Variants in DNAH14 observed in about 807,000 individuals in gnomAD.
DNAH14 encodes the protein axonemal beta dynein heavy chain 14.
In DNAH14, 478 loss-of-function variants were observed where a neutral mutation model predicts 520.9. The ratio of observed to expected loss-of-function variants is 0.92; its 90% CI spans 0.85 to 0.99. The LOEUF (loss-of-function observed/expected upper bound fraction) is 0.99, where lower values mean the gene tolerates loss of function less well. Among genes scored for constraint, DNAH14 ranks in the 50% least tolerant of loss-of-function variants. DNAH14 has a pLI of 0.00. For missense variants in DNAH14, 4,831 were observed against 5,234.5 expected, an observed-to-expected ratio of 0.92 and a Z score of 2.38; for synonymous variants, 1,581 against 1,757.2, an observed-to-expected ratio of 0.90 and a Z score of 2.51.
intron 34 of DNAH14, 90 bp from the exon 35 acceptor site, chr1:225,159,224 A>G (rs1015614694): frequency 1.3e-5 from 14 of 1,054,918 alleles, no homozygotes; most frequent in Middle Eastern, 2.0e-4. Flanking sequence ...TGGGATAGCC[A>G]CCCCTAAAAC....
At chr1:225,008,158 A>G (rs866547881) in intron 10 of DNAH14, among the ~76,000 whole-genome samples, 6 of 151,750 alleles carry the variant, frequency 4.0e-5, no homozygotes, top group South Asian at 2.1e-4. Context: ...CCAACTTATG[A>G]GTGAGAACAT....
Position 224,952,559 on chromosome 1 carries a change from A to T in DNAH14, c.-33-111A>T, listed in dbSNP as rs976038048. On this transcript the variant is annotated intron_variant, in intron 1 of 85. Transcript: ENST00000682510. The stretch of plus-strand genomic sequence containing the variant: ...AAGAAACAAAGGCAGTCAGGATATT[A>T]TATTAAGCCTATTGAGAAGCTGGGA... 5 of 529,906 alleles carry T rather than the reference A, an allele frequency of 9.4e-6. No homozygotes were observed. The African/African-American group carries it at 9.8e-5, about 10-fold the overall frequency. The allele number at this position is 529,906 out of a possible 1,614,324, so 32.8% of individuals were successfully genotyped here.
At position 225,398,743 on chromosome 1, in the gene DNAH14, C is replaced by T. The variant is rs2096059908; in HGVS notation, c.13638+77C>T. On this transcript the variant is annotated intron_variant, in intron 85 of 85. Coordinates refer to ENST00000682510, the MANE Select transcript of DNAH14 (RefSeq NM_001367479.1). ...GTAATATACAAACCACTCTTATTCC[C>T]ATTCCCTACAATTTTGCAAGGGAGA... 1.5e-5 allele frequency: 22 copies of T among 1,485,366 alleles called. No homozygotes were observed. The South Asian group carries it at 2.8e-4, about 19-fold the overall frequency. 92.0% of individuals were successfully genotyped at this position (1,485,366 alleles called of 1,614,324 possible).
At chr1:225,088,390 T>C (rs1443438334) in intron 21 of DNAH14, among the ~76,000 whole-genome samples, 1 of 152,096 alleles carries the variant, frequency 6.6e-6, no homozygotes, top group African/African-American at 2.4e-5. Context: ...GAAAAATACA[T>C]TGGATGAAAT....
chr1:224,935,665 G>A (rs999920278), intron 1 of DNAH14, among the ~76,000 whole-genome samples: 4 of 151,642 alleles, frequency 2.6e-5, no homozygotes, highest in Admixed American at 2.0e-4. Context: ...TATCTAGACA[G>A]AAAATCAAAA....
rs1485468981 is a variant in DNAH14, at chr1:225,335,504, C to T, written c.10081-1762C>T. 3.2e-3 allele frequency among the ~76,000 whole-genome samples: 382 copies of T among 117,872 alleles called. 10 individuals carry two copies. The highest frequency in any genetic ancestry group is 4.6e-3 in the Non-Finnish European group (267 of 57,518). The allele number at this position is 117,872 out of a possible 152,430, so 77.3% of individuals were successfully genotyped here. A position where few individuals can be genotyped will look rare whatever the true frequency, so the allele number is the denominator to read the frequency against. Reference sequence around the variant, plus strand: ...GCACATATACACGTGTGTACATGTACACATATACATATGTACATATATACA... The same window carrying T: ...GCACATATACACGTGTGTACATGTATACATATACATATGTACATATATACA... On this transcript the variant is annotated intron_variant, in intron 66 of 85. Coordinates refer to ENST00000682510, the MANE Select transcript of DNAH14 (RefSeq NM_001367479.1).
chr1:225,193,931 A>G (rs2085775446), intron 38 of DNAH14, among the ~76,000 whole-genome samples: 1 of 152,124 alleles, frequency 6.6e-6, no homozygotes, highest in Non-Finnish European at 1.5e-5. Flanking sequence ...CAAATTAAGA[A>G]CACAATCTCA....
At chr1:225,256,220 A>G (rs902309574) in intron 44 of DNAH14, among the ~76,000 whole-genome samples, 4 of 152,242 alleles carry the variant, frequency 2.6e-5, no homozygotes, top group African/African-American at 9.6e-5. Flanking sequence ...TCTTCCACAC[A>G]TATACAAACA....
intron 55 of DNAH14, among the ~76,000 whole-genome samples, chr1:225,294,134 A>G (rs896245901): frequency 3.3e-5 from 5 of 152,008 alleles, no homozygotes; most frequent in African/African-American, 1.2e-4. Context: ...ATTTATTGAG[A>G]GTTTTTATCA....
At chr1:224,946,092 G>A (rs1459741855) in intron 1 of DNAH14, among the ~76,000 whole-genome samples, 1 of 152,222 alleles carries the variant, frequency 6.6e-6, no homozygotes, top group Non-Finnish European at 1.5e-5. Flanking sequence ...CAGAGGTGGA[G>A]TCTACAGAGG....
chr1:225,250,784 A>G, intron 43 of DNAH14: 1 of 457,110 alleles, frequency 2.2e-6, no homozygotes. Flanking sequence ...GGCTAGTTTG[A>G]ATAATTTCAG....
chr1:225,055,730 C>T (rs1197939585), intron 17 of DNAH14, among the ~76,000 whole-genome samples: 3 of 148,480 alleles, frequency 2.0e-5, no homozygotes, highest in Admixed American at 6.7e-5. Context: ...GTTCCCCTTC[C>T]TGTTTCCATG....
chr1:225,335,551 A>ACG (rs139957138), intron 66 of DNAH14, among the ~76,000 whole-genome samples: 26 of 102,782 alleles, frequency 2.5e-4, no homozygotes, highest in African/African-American at 9.2e-4. Context: ...ATACGTATAT[A>ACG]CATATGTACA....
At chr1:225,029,851 T>G (rs2148092292) in intron 11 of DNAH14, among the ~76,000 whole-genome samples, 1 of 152,102 alleles carries the variant, frequency 6.6e-6, no homozygotes, top group South Asian at 2.1e-4. Flanking sequence ...ATGTGATTGG[T>G]CAAACCTATA....
intron 9 of DNAH14, among the ~76,000 whole-genome samples, chr1:225,007,211 A>G (rs904304023): frequency 1.3e-5 from 2 of 152,220 alleles, no homozygotes; most frequent in Admixed American, 6.5e-5. Context: ...TAAAACACCA[A>G]TGTATTTTTC....
At chr1:225,085,434 C>A in intron 20 of DNAH14, 110 bp from the exon 21 acceptor site, 1 of 999,348 alleles carries the variant, frequency 1.0e-6, no homozygotes, top group Non-Finnish European at 1.5e-6. Flanking sequence ...GGAATTAGAT[C>A]TTCAATATTT....
chr1:225,271,962 T>A lies in DNAH14; in HGVS notation c.7728T>A (p.Ser2576Arg). 1 of 1,550,484 alleles carries A rather than the reference T, an allele frequency of 6.4e-7. No individual in the cohort carries two copies. Among genetic ancestry groups the A allele is most frequent in the Non-Finnish European group, 8.7e-7 (1 of 1,146,548 alleles). The change falls in exon 51 of 86, where the codon AGT becomes AGA. Residue 2576 changes from serine (S) to arginine (R), a missense_variant. Physicochemically the swap from Ser to Arg is moderately radical, Grantham distance 110. Coordinates refer to ENST00000682510, the MANE Select transcript of DNAH14 (RefSeq NM_001367479.1). The stretch of plus-strand genomic sequence containing the variant: ...ACTTCACACCTGAAGTTCAGAAAAG[T>A]AAGGATCAGATAATATCTTGTTCCC... ...INNFTPEVQKSKDQIISCSLA... is the reference protein window; with the variant it reads ...INNFTPEVQKRKDQIISCSLA...
chr1:225,144,756 C>T (rs1253753415), intron 29 of DNAH14, 128 bp downstream of exon 29: 2 of 718,746 alleles, frequency 2.8e-6, no homozygotes, highest in Non-Finnish European at 4.5e-6. Flanking sequence ...CATTCATTAA[C>T]TCACATATAA....
intron 35 of DNAH14, 28 bp downstream of exon 35, chr1:225,159,513 A>C (rs1473867731): frequency 6.8e-7 from 1 of 1,479,198 alleles, no homozygotes; most frequent in Admixed American, 2.7e-5. Flanking sequence ...AATCATCACC[A>C]ATTATTTGGA....
Sources: allele counts gnomAD v4.1 joint callset (sites outside exome capture counted in the v4.1 genomes callset), GRCh38; gene constraint gnomAD v4.1.1; transcripts MANE v1.5; gene names NCBI Gene and HGNC (gene_info 2026-07-23, HGNC 2026-07-21).